Variants in PLB1 observed in about 807,000 individuals in gnomAD.
PLB1 encodes the protein phospholipase B1, membrane-associated.
Under a neutral mutation model 227.4 loss-of-function variants are expected in PLB1, and 242 were observed. The ratio of observed to expected loss-of-function variants is 1.06; its 90% CI spans 0.96 to 1.18. PLB1 has a LOEUF of 1.18. Among genes scored for constraint, PLB1 ranks in the 50% most tolerant of loss-of-function variants. The pLI is 0.00. For synonymous variants in PLB1, 757 were observed against 682.2 expected, an observed-to-expected ratio of 1.11 and a Z score of -1.71; for missense variants, 1,858 against 1,816.3, an observed-to-expected ratio of 1.02 and a Z score of -0.42.
intron 2 of PLB1, among the ~76,000 whole-genome samples, chr2:28,518,054 G>A (rs569578538): frequency 1.6e-4 from 24 of 151,932 alleles, no homozygotes; most frequent in African/African-American, 4.3e-4. Flanking sequence ...TTTGTATTTC[G>A]TATTTTTAGT....
intron 23 of PLB1, among the ~76,000 whole-genome samples, chr2:28,581,710 G>A (rs1323726267): frequency 1.3e-5 from 2 of 151,986 alleles, no homozygotes; most frequent in South Asian, 2.1e-4. Context: ...GCTCATACCT[G>A]TAATCCCAGC....
Position 28,591,981 on chromosome 2 carries a change from G to A in PLB1, c.2188+221G>A, listed in dbSNP as rs201319694. Among the ~76,000 whole-genome samples, 17 of 152,302 alleles carry A rather than the reference G, an allele frequency of 1.1e-4. No individual in the cohort carries two copies. The East Asian group carries it at 2.1e-3, about 19-fold the overall frequency. On this transcript the variant is annotated intron_variant, in intron 31 of 57. Coordinates refer to ENST00000327757, the MANE Select transcript of PLB1 (RefSeq NM_153021.5). ...ACCAAGGCACCTAGGACCAGGAGCC[G>A]TCTCCTGCCCACCTGCGCCTCTTAG...
In PLB1 at chr2:28,642,855, C is replaced by T; in HGVS notation, c.4174-3C>T. The T allele has an allele frequency of 6.3e-7, 1 of 1,587,690 alleles. No individual in the cohort carries two copies. The highest frequency in any genetic ancestry group is 8.6e-7 in the Non-Finnish European group (1 of 1,164,684). On this transcript the variant is annotated splice_region_variant and splice_polypyrimidine_tract_variant and intron_variant, in intron 57 of 57. Transcript: ENST00000327757. Reference sequence around the variant, plus strand: ...TCCACTGACCCCCGCTCCTCCTCCACAGGAGAGCCCTTACCTCTACACCCT... The same window carrying T: ...TCCACTGACCCCCGCTCCTCCTCCATAGGAGAGCCCTTACCTCTACACCCT...
intron 17 of PLB1, among the ~76,000 whole-genome samples, chr2:28,555,395 G>A (rs1001872083): frequency 2.0e-5 from 3 of 152,040 alleles, no homozygotes; most frequent in Admixed American, 2.0e-4. Context: ...ACCCGCCGTG[G>A]CCTCCCAAAG....
intron 41 of PLB1, among the ~76,000 whole-genome samples, chr2:28,605,306 T>TC: frequency 6.6e-6 from 1 of 151,984 alleles, no homozygotes; most frequent in Admixed American, 6.6e-5. Flanking sequence ...CTGAGGTCTG[T>TC]CCCCCTGGGC....
chr2:28,582,789 A>G (rs1156314539), intron 25 of PLB1, among the ~76,000 whole-genome samples: 1 of 152,034 alleles, frequency 6.6e-6, no homozygotes, highest in Non-Finnish European at 1.5e-5. Flanking sequence ...GGGAAGAGTA[A>G]AACGCTAGGA....
At chr2:28,625,197 C>T (rs1445259503) in intron 50 of PLB1, 89 bp downstream of exon 50, 10 of 1,232,348 alleles carry the variant, frequency 8.1e-6, no homozygotes, top group African/African-American at 1.5e-5. Flanking sequence ...CCTCTCACCA[C>T]AGCACTTCCT....
intron 17 of PLB1, among the ~76,000 whole-genome samples, chr2:28,555,210 C>T (rs1392251726): frequency 7.8e-6 from 1 of 128,206 alleles, no homozygotes; most frequent in Non-Finnish European, 1.6e-5. Flanking sequence ...GGCGTGATTT[C>T]CGCTTACTGC....
chr2:28,505,616 A>G (rs1415359781), intron 1 of PLB1, among the ~76,000 whole-genome samples: 1 of 152,226 alleles, frequency 6.6e-6, no homozygotes, highest in Non-Finnish European at 1.5e-5. Context: ...TGAGTGAGAA[A>G]AGGATACCTT....
rs565558155 is a variant in PLB1, at chr2:28,632,381, T to C, written c.4002+241T>C. On this transcript the variant is annotated intron_variant, in intron 55 of 57. Transcript: ENST00000327757. ...TCCCAGGCCTGGCCCTGATGTTTTC[T>C]GGATTGGGATAGAATGGAAAGCTTC... 1.6e-4 allele frequency among the ~76,000 whole-genome samples: 22 copies of C among 137,292 alleles called. No individual in the cohort carries two copies. The South Asian group carries it at 5.3e-3, about 33-fold the overall frequency. 90.1% of individuals were successfully genotyped at this position (137,292 alleles called of 152,430 possible). A position where few individuals can be genotyped will look rare whatever the true frequency, so the allele number is the denominator to read the frequency against.
intron 9 of PLB1, among the ~76,000 whole-genome samples, chr2:28,533,038 C>A (rs1671227490): frequency 6.6e-6 from 1 of 152,154 alleles, no homozygotes; most frequent in Admixed American, 6.5e-5. Context: ...CTGTCCCTGC[C>A]ACTTGTGGGA....
intron 49 of PLB1, among the ~76,000 whole-genome samples, chr2:28,621,626 TG>T (rs1687067820): frequency 6.6e-6 from 1 of 152,128 alleles, no homozygotes; most frequent in Admixed American, 6.5e-5. Context: ...GTGTATGCCT[TG>T]TAGAAGGATC....
chr2:28,511,278 A>G (rs1295771011), intron 1 of PLB1, among the ~76,000 whole-genome samples: 1 of 152,152 alleles, frequency 6.6e-6, no homozygotes, highest in African/African-American at 2.4e-5. Context: ...TATGAGTCAC[A>G]TATATTTTCT....
chr2:28,590,066 G>A lies in PLB1; in HGVS notation c.2078G>A (p.Cys693Tyr), dbSNP rs1558849950. 2.5e-6 allele frequency: 4 copies of A among 1,612,190 alleles called. No individual in the cohort carries two copies. The East Asian group carries it at 6.7e-5, about 27-fold the overall frequency. Reference sequence around the variant, plus strand: ...TTTGAAAACAAGATCAATATCACATGTCCGAACCAGGTAGAGTGGAAAGCA... The same window carrying A: ...TTTGAAAACAAGATCAATATCACATATCCGAACCAGGTAGAGTGGAAAGCA... ...HKFENKINIT[C>Y]PNQVQPFLRT... The change falls in exon 29 of 58, where the codon TGT becomes TAT. Residue 693 changes from cysteine (C) to tyrosine (Y), a missense_variant. Physicochemically the swap from Cys to Tyr is radical, Grantham distance 194. Transcript: ENST00000327757.
At chr2:28,555,007 C>A (rs907561484) in intron 17 of PLB1, among the ~76,000 whole-genome samples, 3 of 152,082 alleles carry the variant, frequency 2.0e-5, no homozygotes, top group Non-Finnish European at 4.4e-5. Flanking sequence ...CACTCGCTCT[C>A]CACCTGGAAT....
intron 53 of PLB1, among the ~76,000 whole-genome samples, chr2:28,629,549 C>G (rs1688302420): frequency 6.6e-6 from 1 of 152,194 alleles, no homozygotes; most frequent in Non-Finnish European, 1.5e-5. Context: ...ACTGTTCTGC[C>G]ATTTAGGAGC....
intron 3 of PLB1, 110 bp from the exon 4 acceptor site, chr2:28,519,595 C>A: frequency 1.3e-6 from 1 of 790,816 alleles, no homozygotes. Flanking sequence ...TGGACCTCCG[C>A]AGCTGTCCAG....
chr2:28,517,338 C>T (rs963117965), intron 2 of PLB1, among the ~76,000 whole-genome samples: 4 of 151,456 alleles, frequency 2.6e-5, no homozygotes, highest in Non-Finnish European at 2.9e-5. Context: ...TGGAGTATTC[C>T]CCCGCTTCCA....
At chr2:28,549,892 TG>T in intron 15 of PLB1, 117 bp from the exon 16 acceptor site, 1 of 755,570 alleles carries the variant, frequency 1.3e-6, no homozygotes, top group Non-Finnish European at 2.2e-6. Flanking sequence ...TGGTCCTCAC[TG>T]GAAGCGTGAT....
Sources: allele counts gnomAD v4.1 joint callset (sites outside exome capture counted in the v4.1 genomes callset), GRCh38; gene constraint gnomAD v4.1.1; transcripts MANE v1.5; gene names NCBI Gene and HGNC (gene_info 2026-07-23, HGNC 2026-07-21).